RAB3IP: variants seen among roughly 807,000 people sequenced by gnomAD.
RAB3IP encodes the protein rab-3A-interacting protein.
A neutral mutation model predicts 59.1 loss-of-function variants in RAB3IP; 36 were observed. The observed-to-expected ratio is 0.61, with a 90% CI of 0.47 to 0.80. RAB3IP has a LOEUF of 0.80. Ranked by LOEUF, RAB3IP falls within the 30% of genes least tolerant of loss-of-function variation. The pLI is 0.00. For synonymous variants in RAB3IP, 207 were observed against 191.2 expected, an observed-to-expected ratio of 1.08 and a Z score of -0.68; for missense variants, 511 against 536.0, an observed-to-expected ratio of 0.95 and a Z score of 0.46.
intron 6 of RAB3IP, chr12:69,795,760 A>T (rs1350010981): frequency 4.5e-6 from 1 of 224,250 alleles, no homozygotes; most frequent in Non-Finnish European, 8.6e-6. Flanking sequence ...AGAGAATTTT[A>T]TGTCAGCAAG....
chr12:69,745,072 A>G (rs1260336707), intron 1 of RAB3IP, among the ~76,000 whole-genome samples: 2 of 152,220 alleles, frequency 1.3e-5, no homozygotes, highest in Admixed American at 6.5e-5. Flanking sequence ...ACACAATAGT[A>G]TAATGAACCT....
At chr12:69,761,885 C>G (rs190195973) in intron 3 of RAB3IP, among the ~76,000 whole-genome samples, 1 of 152,272 alleles carries the variant, frequency 6.6e-6, no homozygotes, top group East Asian at 1.9e-4. Context: ...TGAAATAATT[C>G]AGAGATCTGT....
At chr12:69,759,222 CA>C (rs1180321611) in intron 3 of RAB3IP, among the ~76,000 whole-genome samples, 1 of 144,730 alleles carries the variant, frequency 6.9e-6, no homozygotes, top group African/African-American at 2.5e-5. Context: ...ATCTGTTTAA[CA>C]AAGCACATCT....
At chr12:69,810,469 C>T (rs1565932206) in intron 8 of RAB3IP, among the ~76,000 whole-genome samples, 1 of 152,190 alleles carries the variant, frequency 6.6e-6, no homozygotes, top group Admixed American at 6.5e-5. Context: ...GTGGCTCACG[C>T]TGGGAGCTGT....
At chr12:69,801,057 T>G (rs1878294392) in intron 7 of RAB3IP, among the ~76,000 whole-genome samples, 1 of 152,218 alleles carries the variant, frequency 6.6e-6, no homozygotes, top group African/African-American at 2.4e-5. Flanking sequence ...GGTAGGCCAT[T>G]CAGTATTAGT....
At chr12:69,784,985 T>C (rs1276834724) in intron 4 of RAB3IP, 170 bp downstream of exon 4, 1 of 373,818 alleles carries the variant, frequency 2.7e-6, no homozygotes, top group Non-Finnish European at 4.9e-6. Context: ...CTTAAGATGA[T>C]GTGAAAAGAA....
intron 4 of RAB3IP, among the ~76,000 whole-genome samples, chr12:69,785,366 A>G (rs1202621589): frequency 6.6e-6 from 1 of 152,184 alleles, no homozygotes; most frequent in African/African-American, 2.4e-5. Context: ...GCCTATATAC[A>G]TATACATGTA....
chr12:69,812,772 T>G lies in RAB3IP; in HGVS notation c.1131-6T>G, dbSNP rs1284846841. 1 of 1,584,350 alleles carries G rather than the reference T, an allele frequency of 6.3e-7. No homozygotes were observed. Among genetic ancestry groups the G allele is most frequent in the Non-Finnish European group, 8.6e-7 (1 of 1,162,938 alleles). ...CAAAAAACTGAAATTTATCATTATT[T>G]CACAGAAAATGTGCTCTCACTGGCC... On this transcript the variant is annotated splice_region_variant and splice_polypyrimidine_tract_variant and intron_variant, in intron 8 of 10. Transcript: ENST00000247833.
At position 69,805,419 on chromosome 12, in the gene RAB3IP, G is replaced by A. The variant is rs796177297; in HGVS notation, c.1130+3698G>A. ...GGGCTGAGACGATGGGGTTTTCTAT[G>A]TGTACAATCATGTCATCTGCAAATT... On this transcript the variant is annotated intron_variant, in intron 8 of 10. Transcript: ENST00000247833. Among the ~76,000 whole-genome samples the A allele has an allele frequency of 5.8e-4, 88 of 152,176 alleles. No homozygotes were observed. In the South Asian group the frequency reaches 0.018, roughly 32 times the overall value.
chr12:69,743,827 CTT>C (rs1887579627), intron 1 of RAB3IP, among the ~76,000 whole-genome samples: 1 of 145,940 alleles, frequency 6.9e-6, no homozygotes, highest in Non-Finnish European at 1.5e-5. Flanking sequence ...TGTCTCCACT[CTT>C]TACCGCTTTG....
Position 69,801,619 on chromosome 12 carries a change from C to T in RAB3IP, c.1028C>T (p.Ala343Val). 6.2e-7 allele frequency: 1 copy of T among 1,606,310 alleles called. No homozygotes were observed. The highest frequency in any genetic ancestry group is 8.5e-7 in the Non-Finnish European group (1 of 1,175,696). Residue 343 changes from alanine to valine, a missense_variant, in exon 8 of 11, where the codon GCT (alanine) becomes GTT (valine). Coordinates refer to ENST00000247833, the MANE Select transcript of RAB3IP (RefSeq NM_022456.5). ...TTCTTTTTTTTTAAGTTGGCTTCAG[C>T]TGTTCTGGAGGCTGTGGAAAACAAT... Reference protein sequence around the residue: ...LTFSKSELASAVLEAVENNTL... With the variant: ...LTFSKSELASVVLEAVENNTL...
chr12:69,741,600 A>G (rs1887351987), intron 1 of RAB3IP, among the ~76,000 whole-genome samples: 1 of 152,136 alleles, frequency 6.6e-6, no homozygotes, highest in African/African-American at 2.4e-5. Flanking sequence ...TAAGCTTTAT[A>G]CTCATTTACT....
intron 8 of RAB3IP, among the ~76,000 whole-genome samples, chr12:69,806,728 C>T (rs1879369428): frequency 6.6e-6 from 1 of 151,962 alleles, no homozygotes; most frequent in Admixed American, 6.6e-5. Context: ...TCCCTGTGGC[C>T]TTCCGCAGTG....
At chr12:69,784,666 T>C in intron 3 of RAB3IP, 54 bp from the exon 4 acceptor site, 1 of 979,386 alleles carries the variant, frequency 1.0e-6, no homozygotes, top group South Asian at 1.5e-5. Context: ...TATAGTCTGC[T>C]GAATCTAACT....
In RAB3IP at chr12:69,745,626, A is replaced by G. The variant is rs1592429849; in HGVS notation, c.-26+6595A>G. 2.6e-5 allele frequency among the ~76,000 whole-genome samples: 4 copies of G among 152,236 alleles called. No individual in the cohort carries two copies. In the South Asian group the frequency reaches 6.2e-4, roughly 24 times the overall value. ...CTTTGTGAAAGTAAGAGAAGGGTTC[A>G]GAGATTAAACATTATTATTCTGTTT... On this transcript the variant is annotated intron_variant, in intron 1 of 10. Coordinates refer to ENST00000247833, the MANE Select transcript of RAB3IP (RefSeq NM_022456.5).
chr12:69,750,619 A>G (rs1355256016), intron 1 of RAB3IP, among the ~76,000 whole-genome samples: 1 of 147,064 alleles, frequency 6.8e-6, no homozygotes, highest in Non-Finnish European at 1.5e-5. Context: ...CCCAAAGTCT[A>G]GATTTTGCTG....
chr12:69,751,317 G>A (rs952263995), intron 1 of RAB3IP, among the ~76,000 whole-genome samples: 5 of 152,164 alleles, frequency 3.3e-5, no homozygotes, highest in African/African-American at 1.2e-4. Flanking sequence ...GGTATAACAA[G>A]ATGTTCCAGG....
At chr12:69,750,789 G>T (rs1869153157) in intron 1 of RAB3IP, among the ~76,000 whole-genome samples, 1 of 147,270 alleles carries the variant, frequency 6.8e-6, no homozygotes, top group African/African-American at 2.5e-5. Flanking sequence ...TTTCTTATTT[G>T]CCACATAATA....
chr12:69,800,596 G>A (rs1220059845), intron 7 of RAB3IP, among the ~76,000 whole-genome samples: 1 of 152,072 alleles, frequency 6.6e-6, no homozygotes. Context: ...ATAGGTATGG[G>A]GGATAGGACT....
Sources: allele counts gnomAD v4.1 joint callset (sites outside exome capture counted in the v4.1 genomes callset), GRCh38; gene constraint gnomAD v4.1.1; transcripts MANE v1.5; gene names NCBI Gene and HGNC (gene_info 2026-07-23, HGNC 2026-07-21).